Variants in CEP170 observed in about 807,000 individuals in gnomAD.
CEP170 encodes centrosomal protein 170.
Under a neutral mutation model 151.9 loss-of-function variants are expected in CEP170, and 21 were observed. The observed-to-expected ratio is 0.14, with a 90% CI of 0.10 to 0.20. The LOEUF (loss-of-function observed/expected upper bound fraction) is 0.20. Ranked by LOEUF, CEP170 falls within the 10% of genes least tolerant of loss-of-function variation. The pLI, the probability that CEP170 is intolerant of heterozygous loss-of-function variation, is 1.00. For missense variants in CEP170, 964 were observed against 1,892.9 expected, an observed-to-expected ratio of 0.51 and a Z score of 9.11; for synonymous variants, 356 against 648.8, an observed-to-expected ratio of 0.55 and a Z score of 6.86.
At chr1:243,150,738 C>G (rs999006186) in intron 14 of CEP170, among the ~76,000 whole-genome samples, 10 of 152,178 alleles carry the variant, frequency 6.6e-5, no homozygotes, top group Non-Finnish European at 1.2e-4. Context: ...TAATCATAAA[C>G]CACGGTTTTC....
chr1:243,186,989 A>G (rs1290325796), intron 8 of CEP170, among the ~76,000 whole-genome samples: 1 of 152,196 alleles, frequency 6.6e-6, no homozygotes, highest in Non-Finnish European at 1.5e-5. Context: ...CCCATTAATT[A>G]TTGCAAAATT....
chr1:243,198,950 A>G, intron 7 of CEP170, 110 bp downstream of exon 7: 1 of 764,904 alleles, frequency 1.3e-6, no homozygotes, highest in Non-Finnish European at 2.0e-6. Context: ...TTAAAAAATC[A>G]AAGTATAGAA....
intron 1 of CEP170, among the ~76,000 whole-genome samples, chr1:243,232,765 G>A (rs2063868879): frequency 6.6e-6 from 1 of 152,008 alleles, no homozygotes. Context: ...GATAAACCTA[G>A]GGTGTTACTA....
chr1:243,252,893 A>G (rs2066070929), intron 1 of CEP170, among the ~76,000 whole-genome samples: 1 of 152,178 alleles, frequency 6.6e-6, no homozygotes, highest in African/African-American at 2.4e-5. Flanking sequence ...TAAAAAACAT[A>G]AAGTTAATAT....
chr1:243,186,248 G>C lies in CEP170; in HGVS notation c.1272+11C>G. 6.2e-7 allele frequency: 1 copy of C among 1,613,750 alleles called. No individual in the cohort carries two copies. Among genetic ancestry groups the C allele is most frequent in the South Asian group, 1.1e-5 (1 of 91,076 alleles). ...ATCAAAGAATGCAATCATAAAAGCA[G>C]TTTGACTTACAACAGCTTGGTCTTG... On this transcript the variant is annotated intron_variant, in intron 9 of 19. Transcript: ENST00000366542.
intron 10 of CEP170, among the ~76,000 whole-genome samples, chr1:243,173,378 T>C (rs964929336): frequency 6.6e-6 from 1 of 151,874 alleles, no homozygotes; most frequent in Non-Finnish European, 1.5e-5. Context: ...CTATCCTTTT[T>C]TTAACATTTA....
At chr1:243,167,037 T>C (rs1408819003) in intron 12 of CEP170, among the ~76,000 whole-genome samples, 2 of 152,172 alleles carry the variant, frequency 1.3e-5, no homozygotes, top group Non-Finnish European at 2.9e-5. Context: ...AAGTTCACTG[T>C]GTTCATTCTC....
At chr1:243,220,522 T>C (rs2148976552) in intron 3 of CEP170, among the ~76,000 whole-genome samples, 1 of 152,334 alleles carries the variant, frequency 6.6e-6, no homozygotes, top group East Asian at 1.9e-4. Flanking sequence ...AATATAAAAG[T>C]CCTTCAGTAG....
At chr1:243,186,873 A>AT (rs2059969503) in intron 8 of CEP170, among the ~76,000 whole-genome samples, 1 of 152,260 alleles carries the variant, frequency 6.6e-6, no homozygotes, top group South Asian at 2.1e-4. Flanking sequence ...AAATGAGAAC[A>AT]TAAGTATGGT....
chr1:243,148,751 C>CA (rs933093402), intron 14 of CEP170, among the ~76,000 whole-genome samples: 3 of 151,672 alleles, frequency 2.0e-5, no homozygotes, highest in East Asian at 1.9e-4. Context: ...AGAAGGTTCA[C>CA]AAAAAAAAGT....
Position 243,165,769 on chromosome 1 carries a change from T to A in CEP170, c.2191A>T (p.Lys731Ter). ...HLGSSAPGKE[K>*]SETDKETSLV... ...GAAGTTTCCTTATCAGTTTCACTTT[T>A]CTCTTTTCCAGGAGCAGAGCTGCCT... Residue 731 changes from lysine (K) to a stop codon, truncating the protein, a stop_gained, in exon 13 of 20, where the codon AAA (lysine) becomes TAA (stop). Coordinates refer to ENST00000366542, the MANE Select transcript of CEP170 (RefSeq NM_014812.3). LOFTEE classifies it high-confidence loss of function. The A allele has an allele frequency of 6.2e-7, 1 of 1,614,082 alleles. No individual in the cohort carries two copies. The highest frequency in any genetic ancestry group is 1.1e-5 in the South Asian group (1 of 91,088).
At chr1:243,159,556 T>TC (rs1184976033) in intron 13 of CEP170, among the ~76,000 whole-genome samples, 2 of 152,116 alleles carry the variant, frequency 1.3e-5, no homozygotes, top group South Asian at 4.1e-4. Flanking sequence ...ATTTTAAATT[T>TC]CCCCCCATCT....
At position 243,156,432 on chromosome 1, in the gene CEP170, G is replaced by A. The variant is rs2057555909; in HGVS notation, c.3700C>T (p.Pro1234Ser). The A allele has an allele frequency of 2.6e-6, 4 of 1,548,892 alleles. No homozygotes were observed. The highest frequency in any genetic ancestry group is 3.5e-6 in the Non-Finnish European group (4 of 1,145,898). Residue 1234 changes from proline to serine, a missense_variant, in exon 14 of 20, where the codon CCT (proline) becomes TCT (serine). Transcript: ENST00000366542. ...TCTGAGGTGGAAGCATAATCAGTAG[G>A]AAAGCGCCTCCATCTTGAATTTACT... ...ASVNSRWRRF[P>S]TDYASTSEDE...
intron 4 of CEP170, among the ~76,000 whole-genome samples, chr1:243,201,206 AT>A (rs1440923128): frequency 2.6e-5 from 4 of 152,038 alleles, no homozygotes; most frequent in African/African-American, 2.4e-5. Context: ...ATGTAAGGAA[AT>A]ATCTCATCAA....
At position 243,254,768 on chromosome 1, in the gene CEP170, GC is replaced by G. The variant is rs993816978; in HGVS notation, c.-42+271del. Among the ~76,000 whole-genome samples, 330 of 136,610 alleles carry G rather than the reference GC, an allele frequency of 2.4e-3. 3 individuals carry two copies. Among genetic ancestry groups the G allele is most frequent in the African/African-American group, 8.5e-3 (317 of 37,394 alleles). 89.6% of individuals were successfully genotyped at this position (136,610 alleles called of 152,430 possible). ...GCAAGGGGCTCGGGAAAGCCGGGGG[GC>G]CGCAGGACTGGAGCTCCGGGGGGCG... On this transcript the variant is annotated intron_variant, in intron 1 of 19. Transcript: ENST00000366542.
At chr1:243,182,060 A>C (rs555612917) in intron 10 of CEP170, among the ~76,000 whole-genome samples, 13 of 152,266 alleles carry the variant, frequency 8.5e-5, no homozygotes, top group African/African-American at 2.9e-4. Context: ...TTTGGGTCAA[A>C]AAGGCAGATC....
intron 14 of CEP170, among the ~76,000 whole-genome samples, chr1:243,146,782 G>A (rs1170053797): frequency 6.6e-6 from 1 of 152,032 alleles, no homozygotes; most frequent in Non-Finnish European, 1.5e-5. Flanking sequence ...CTAGCACACA[G>A]AGGCGGTAAG....
At position 243,255,209 on chromosome 1, in the gene CEP170, T is replaced by C. The variant is rs1395460443; in HGVS notation, c.-211A>G. ...CCTCAGCTCCGCTGGGCAATAACGT[T>C]ATTCCACACACGCCCCACACATAGC... On this transcript the variant is annotated 5_prime_UTR_variant, in exon 1 of 20. It adds an upstream start codon to the 5' untranslated region. Coordinates refer to ENST00000366542, the MANE Select transcript of CEP170 (RefSeq NM_014812.3). 1 of 152,752 alleles carries C rather than the reference T, an allele frequency of 6.5e-6. No individual in the cohort carries two copies. Among genetic ancestry groups the C allele is most frequent in the African/African-American group, 2.4e-5 (1 of 41,442 alleles). The allele number at this position is 152,752 out of a possible 1,614,324, so 9.5% of individuals were successfully genotyped here.
rs989449560 is a variant in CEP170 at position 243,185,213 on chromosome 1, C to T, written c.1566+566G>A. Reference sequence around the variant, plus strand: ...GGTAACTATCACGACTGGTCATATACGTGGTTAAACTAGTAAACTAAATCA... The same window carrying T: ...GGTAACTATCACGACTGGTCATATATGTGGTTAAACTAGTAAACTAAATCA... On this transcript the variant is annotated intron_variant, in intron 10 of 19. Coordinates refer to ENST00000366542, the MANE Select transcript of CEP170 (RefSeq NM_014812.3). The surrounding 1 kb of genome is among the most constrained non-coding windows in gnomAD (Gnocchi z 4.9). Among the ~76,000 whole-genome samples the T allele has an allele frequency of 1.3e-5, 2 of 152,124 alleles. No homozygotes were observed. Among genetic ancestry groups the T allele is most frequent in the Non-Finnish European group, 1.5e-5 (1 of 68,020 alleles).
Sources: allele counts gnomAD v4.1 joint callset (sites outside exome capture counted in the v4.1 genomes callset), GRCh38; gene constraint gnomAD v4.1.1; non-coding constraint Gnocchi (gnomAD v3.1); transcripts MANE v1.5; gene names NCBI Gene and HGNC (gene_info 2026-07-23, HGNC 2026-07-21).